GDPD5: variants seen among roughly 807,000 people sequenced by gnomAD.
GDPD5 encodes the protein glycerophosphodiester phosphodiesterase domain containing 5.
A neutral mutation model predicts 75.1 loss-of-function variants in GDPD5; 48 were observed. The ratio of observed to expected loss-of-function variants is 0.64; its 90% CI spans 0.51 to 0.81. GDPD5 has a LOEUF of 0.81. Among genes scored for constraint, GDPD5 ranks in the 40% least tolerant of loss-of-function variants. GDPD5 has a pLI of 0.00. For synonymous variants in GDPD5, 336 were observed against 339.0 expected, an observed-to-expected ratio of 0.99 and a Z score of 0.10; for missense variants, 706 against 822.6, an observed-to-expected ratio of 0.86 and a Z score of 1.73.
intron 2 of GDPD5, among the ~76,000 whole-genome samples, chr11:75,486,868 G>A (rs1029458322): frequency 5.3e-5 from 8 of 152,336 alleles, no homozygotes; most frequent in African/African-American, 1.9e-4. Context: ...AAGGGGAGAA[G>A]GAAGGGCATT....
Position 75,441,648 on chromosome 11 carries a change from G to A in GDPD5, c.1323C>T (p.Leu441=), listed in dbSNP as rs1418927654. 1.3e-6 allele frequency: 2 copies of A among 1,574,152 alleles called. No individual in the cohort carries two copies. Among genetic ancestry groups the A allele is most frequent in the Non-Finnish European group, 1.7e-6 (2 of 1,161,580 alleles). Reference sequence around the variant, plus strand: ...GGAGCCCAGGGCAGGGCAGGCACCTGAGCTCCTGGCGGGACACCTGAGTGT... The same window carrying A: ...GGAGCCCAGGGCAGGGCAGGCACCTAAGCTCCTGGCGGGACACCTGAGTGT... ...LRYTQVSRQE[L]RDYASWNLSV... Residue 441 remains leucine, a splice_region_variant and synonymous_variant, in exon 13 of 17, where the codon CTC becomes CTT. Coordinates refer to ENST00000336898, the MANE Select transcript of GDPD5 (RefSeq NM_030792.8).
chr11:75,463,023 C>A, intron 3 of GDPD5, 134 bp from the exon 4 acceptor site: 1 of 673,590 alleles, frequency 1.5e-6, no homozygotes, highest in Non-Finnish European at 2.6e-6. Flanking sequence ...CCTCTTTACC[C>A]TGGGAGAAAC....
intron 3 of GDPD5, 136 bp from the exon 4 acceptor site, chr11:75,463,025 G>A (rs1297374043): frequency 4.5e-6 from 3 of 673,740 alleles, no homozygotes; most frequent in Non-Finnish European, 7.7e-6. Context: ...TCTTTACCCT[G>A]GGAGAAACTG....
chr11:75,517,849 G>A (rs1046875423), intron 1 of GDPD5, among the ~76,000 whole-genome samples: 1 of 152,126 alleles, frequency 6.6e-6, no homozygotes, highest in Non-Finnish European at 1.5e-5. Flanking sequence ...CTCCCAGGTG[G>A]GACAGGGGCC....
chr11:75,504,273 C>T (rs575481678), intron 1 of GDPD5, among the ~76,000 whole-genome samples: 12 of 152,258 alleles, frequency 7.9e-5, no homozygotes, highest in Non-Finnish European at 1.3e-4. Context: ...ACAATTTCTA[C>T]TCCTTGCAGC....
chr11:75,511,815 C>T (rs1950524063), intron 1 of GDPD5, among the ~76,000 whole-genome samples: 2 of 152,302 alleles, frequency 1.3e-5, no homozygotes, highest in Middle Eastern at 3.4e-3. Flanking sequence ...ACAGAGTGGG[C>T]CAGAGACCTG....
At chr11:75,514,501 C>A (rs1950597421) in intron 1 of GDPD5, among the ~76,000 whole-genome samples, 1 of 152,240 alleles carries the variant, frequency 6.6e-6, no homozygotes, top group Non-Finnish European at 1.5e-5. Flanking sequence ...AAAGTCACCC[C>A]TTTTGGAGCA....
chr11:75,470,846 A>T (rs1592104825), intron 3 of GDPD5, among the ~76,000 whole-genome samples: 1 of 152,248 alleles, frequency 6.6e-6, no homozygotes, highest in East Asian at 1.9e-4. Flanking sequence ...TGTTCACCAC[A>T]CAGTGAGTTC....
intron 11 of GDPD5, 81 bp downstream of exon 11, chr11:75,443,055 T>C (rs2135167997): frequency 6.6e-7 from 1 of 1,505,488 alleles, no homozygotes; most frequent in South Asian, 1.2e-5. Flanking sequence ...TCGAAGCTGA[T>C]GGCCACCCTT....
chr11:75,523,279 G>A (rs1317399080), intron 1 of GDPD5, among the ~76,000 whole-genome samples: 3 of 152,206 alleles, frequency 2.0e-5, no homozygotes, highest in Admixed American at 6.5e-5. Context: ...TGGTCTGTCT[G>A]ATTTACCACT....
chr11:75,439,748 C>T (rs571341061), intron 15 of GDPD5, 131 bp downstream of exon 15: 15 of 741,812 alleles, frequency 2.0e-5, no homozygotes, highest in South Asian at 3.0e-5. Flanking sequence ...CACCGGAGTC[C>T]GTCCTTCTTC....
chr11:75,459,541 G>A (rs563326930), intron 4 of GDPD5, among the ~76,000 whole-genome samples: 6 of 152,174 alleles, frequency 3.9e-5, no homozygotes, highest in South Asian at 2.1e-4. Flanking sequence ...ACCCACATCC[G>A]GCTGGGCGCG....
At chr11:75,447,550 C>A (rs1327593594) in intron 9 of GDPD5, among the ~76,000 whole-genome samples, 1 of 152,196 alleles carries the variant, frequency 6.6e-6, no homozygotes, top group Non-Finnish European at 1.5e-5. Flanking sequence ...GGATTGGATT[C>A]ATTACATCCT....
chr11:75,456,921 G>T, intron 5 of GDPD5, 105 bp from the exon 6 acceptor site: 1 of 1,141,656 alleles, frequency 8.8e-7, no homozygotes, highest in Non-Finnish European at 1.3e-6. Flanking sequence ...CCTGACCCTG[G>T]GCAGAGGCAG....
intron 1 of GDPD5, chr11:75,508,438 T>A (rs766159777): frequency 2.0e-5 from 3 of 152,156 alleles, no homozygotes; most frequent in African/African-American, 7.2e-5. Context: ...GTTGGCCTTA[T>A]CATCAGCATC....
At chr11:75,443,496 G>A (rs956058483) in intron 10 of GDPD5, among the ~76,000 whole-genome samples, 6 of 152,162 alleles carry the variant, frequency 3.9e-5, no homozygotes, top group African/African-American at 1.4e-4. Flanking sequence ...TCTCTGTGAG[G>A]GTCAGATGGG....
At chr11:75,468,689 C>A (rs540908164) in intron 3 of GDPD5, among the ~76,000 whole-genome samples, 2 of 152,146 alleles carry the variant, frequency 1.3e-5, no homozygotes, top group African/African-American at 2.4e-5. Context: ...GCCCCCCCCC[C>A]GGGAGGTGGA....
chr11:75,442,243 G>C, intron 12 of GDPD5, 120 bp downstream of exon 12: 1 of 725,936 alleles, frequency 1.4e-6, no homozygotes, highest in Admixed American at 2.7e-5. Context: ...AGCAGTGTGT[G>C]ATCCCCATTT....
intron 2 of GDPD5, among the ~76,000 whole-genome samples, chr11:75,481,627 A>G (rs1405973178): frequency 1.3e-5 from 2 of 151,924 alleles, no homozygotes; most frequent in Non-Finnish European, 2.9e-5. Flanking sequence ...AGATTTGGGG[A>G]GTGCTGCGTG....
Sources: allele counts gnomAD v4.1 joint callset (sites outside exome capture counted in the v4.1 genomes callset), GRCh38; gene constraint gnomAD v4.1.1; transcripts MANE v1.5; gene names NCBI Gene and HGNC (gene_info 2026-07-23, HGNC 2026-07-21).